The following FHIT variants were observed in gnomAD, a reference collection of about 807,000 sequenced individuals.
FHIT encodes the protein fragile histidine triad diadenosine triphosphatase.
A neutral mutation model predicts 17.9 loss-of-function variants in FHIT; 19 were observed. The observed-to-expected ratio is 1.06, with a 90% CI of 0.74 to 1.56. The LOEUF is 1.56. FHIT is among the 40% of genes most tolerant of loss of function. The probability of loss-of-function intolerance (pLI) is 0.00; values close to 1 mark genes in which losing one functional copy is unlikely to be tolerated. For synonymous variants in FHIT, 81 were observed against 69.7 expected, an observed-to-expected ratio of 1.16 and a Z score of -0.81; for missense variants, 248 against 189.2, an observed-to-expected ratio of 1.31 and a Z score of -1.82.
At chr3:60,451,696 T>G (rs1479605351) in intron 5 of FHIT, among the ~76,000 whole-genome samples, 1 of 152,118 alleles carries the variant, frequency 6.6e-6, no homozygotes, top group African/African-American at 2.4e-5. Flanking sequence ...CTAAAACTAG[T>G]TCAACTTTTT....
At chr3:59,781,316 T>C (rs922963338) in intron 8 of FHIT, among the ~76,000 whole-genome samples, 1 of 152,254 alleles carries the variant, frequency 6.6e-6, no homozygotes, top group Non-Finnish European at 1.5e-5. Context: ...GACAGACGGA[T>C]GAGGCATTTC....
At chr3:59,913,185 C>T (rs1704962920) in intron 8 of FHIT, among the ~76,000 whole-genome samples, 1 of 151,890 alleles carries the variant, frequency 6.6e-6, no homozygotes, top group Non-Finnish European at 1.5e-5. Context: ...ATTGGAAATC[C>T]AGTGTGTGTG....
chr3:60,342,656 G>T (rs940674669), intron 5 of FHIT, among the ~76,000 whole-genome samples: 1 of 152,074 alleles, frequency 6.6e-6, no homozygotes, highest in African/African-American at 2.4e-5. Flanking sequence ...ATGGAACACA[G>T]AAAGAGAAAA....
chr3:60,330,337 C>G (rs1376024547), intron 5 of FHIT, among the ~76,000 whole-genome samples: 3 of 152,144 alleles, frequency 2.0e-5, no homozygotes, highest in Non-Finnish European at 4.4e-5. Flanking sequence ...TCATCATTTG[C>G]TGCTACAGTC....
chr3:60,812,522 A>G (rs1373139128), intron 4 of FHIT, among the ~76,000 whole-genome samples: 5 of 152,150 alleles, frequency 3.3e-5, no homozygotes, highest in Non-Finnish European at 7.4e-5. Context: ...TTTATACTTC[A>G]GGGTACTCAC....
chr3:60,241,101 G>A (rs1029042761), intron 5 of FHIT, among the ~76,000 whole-genome samples: 10 of 152,092 alleles, frequency 6.6e-5, no homozygotes, highest in South Asian at 4.1e-4. Context: ...TTTAGGAAAC[G>A]GGGGTGGAAT....
chr3:60,113,874 C>T (rs1353030198), intron 5 of FHIT, among the ~76,000 whole-genome samples: 4 of 145,944 alleles, frequency 2.7e-5, no homozygotes, highest in Admixed American at 2.0e-4. Flanking sequence ...TGGTGGCGGG[C>T]GCCTGTAGTC....
chr3:60,108,157 A>C (rs947957136), intron 5 of FHIT, among the ~76,000 whole-genome samples: 2 of 152,216 alleles, frequency 1.3e-5, no homozygotes, highest in African/African-American at 4.8e-5. Context: ...ATGTCAGTTA[A>C]GTTAAAAGCT....
At chr3:60,095,752 C>T (rs1043211656) in intron 5 of FHIT, among the ~76,000 whole-genome samples, 25 of 152,178 alleles carry the variant, frequency 1.6e-4, no homozygotes, top group African/African-American at 5.3e-4. Context: ...GGCAAAACAA[C>T]AGCCTGTTCG....
chr3:60,680,737 C>T (rs192997322), intron 4 of FHIT, among the ~76,000 whole-genome samples: 27 of 152,110 alleles, frequency 1.8e-4, no homozygotes, highest in Non-Finnish European at 1.9e-4. Flanking sequence ...TGACAACACA[C>T]GAAACACCCA....
At chr3:60,118,166 G>C (rs1705065973) in intron 5 of FHIT, among the ~76,000 whole-genome samples, 2 of 152,102 alleles carry the variant, frequency 1.3e-5, no homozygotes, top group Admixed American at 1.3e-4. Flanking sequence ...GAGTGCAGTA[G>C]TGCAATAATG....
At chr3:59,832,344 T>G (rs144372986) in intron 8 of FHIT, among the ~76,000 whole-genome samples, 1 of 152,292 alleles carries the variant, frequency 6.6e-6, no homozygotes, top group East Asian at 1.9e-4. Context: ...AACTCCAACC[T>G]CATTGTGCTA....
At chr3:60,490,784 C>A (rs1282127178) in intron 5 of FHIT, among the ~76,000 whole-genome samples, 2 of 152,018 alleles carry the variant, frequency 1.3e-5, no homozygotes, top group African/African-American at 4.8e-5. Context: ...AAGCCCTTCA[C>A]ATGATTTAAC....
chr3:59,919,173 C>A (rs1705284462), intron 8 of FHIT, among the ~76,000 whole-genome samples: 1 of 152,120 alleles, frequency 6.6e-6, no homozygotes, highest in African/African-American at 2.4e-5. Context: ...TAAAGAGAGG[C>A]ACCACAAATC....
At chr3:60,221,161 A>G (rs1703940511) in intron 5 of FHIT, among the ~76,000 whole-genome samples, 1 of 152,182 alleles carries the variant, frequency 6.6e-6, no homozygotes, top group African/African-American at 2.4e-5. Flanking sequence ...ATGGAAAGCA[A>G]AATATCTCCT....
chr3:61,205,333 A>G (rs948242864), intron 1 of FHIT, among the ~76,000 whole-genome samples: 5 of 152,114 alleles, frequency 3.3e-5, no homozygotes, highest in East Asian at 1.9e-4. Context: ...TTTAGTATAT[A>G]CCCAGTAATG....
At chr3:60,800,420 G>A (rs1266912439) in intron 4 of FHIT, among the ~76,000 whole-genome samples, 20 of 152,090 alleles carry the variant, frequency 1.3e-4, no homozygotes, top group Non-Finnish European at 2.4e-4. Flanking sequence ...AAAACATATT[G>A]ATATCATTGG....
intron 5 of FHIT, among the ~76,000 whole-genome samples, chr3:60,317,613 A>C (rs1709221658): frequency 7.4e-6 from 1 of 135,040 alleles, no homozygotes. Context: ...ATATGTAATT[A>C]TATATGTGTG....
intron 5 of FHIT, among the ~76,000 whole-genome samples, chr3:60,424,782 A>G (rs1702603614): frequency 6.7e-6 from 1 of 148,654 alleles, no homozygotes; most frequent in Non-Finnish European, 1.5e-5. Flanking sequence ...TTGTGAAAAG[A>G]AAAAAAAATG....
Sources: gnomAD v4.1 joint callset for allele counts (sites outside exome capture counted in the v4.1 genomes callset) on GRCh38, gnomAD v4.1.1 for gene constraint, MANE v1.5 for transcripts, NCBI Gene and HGNC (gene_info 2026-07-23, HGNC 2026-07-21) for gene names.